CHSY3: variants seen among roughly 807,000 people sequenced by gnomAD.
CHSY3 encodes N-acetylgalactosaminyl-proteoglycan 3-beta-glucuronosyltransferase 3.
CHSY3 carries 35 observed loss-of-function variants against 67.2 expected under a neutral mutation model. That is an observed-to-expected ratio of 0.52 (90% CI 0.40 to 0.69). CHSY3 has a LOEUF of 0.69. Among genes scored for constraint, CHSY3 ranks in the 30% least tolerant of loss-of-function variants. The pLI is 0.00. For missense variants in CHSY3, 1,069 were observed against 1,138.5 expected (o/e 0.94, Z 0.88); for synonymous variants, 474 against 434.7 (o/e 1.09, Z -1.12).
chr5:130,172,965 C>G (rs249602), intron 2 of CHSY3, among the ~76,000 whole-genome samples: 144,568 of 152,288 alleles, frequency 0.95, 68,727 homozygotes, highest in East Asian at 1. Flanking sequence ...ATTTTTAAAA[C>G]TTACTTTAAA....
chr5:129,991,457 C>G (rs1236166911), intron 2 of CHSY3, among the ~76,000 whole-genome samples: 1 of 152,052 alleles, frequency 6.6e-6, no homozygotes, highest in East Asian at 1.9e-4. Flanking sequence ...GAAATTTCAT[C>G]AACACATTAT....
At chr5:130,153,001 C>T (rs146815913) in intron 2 of CHSY3, among the ~76,000 whole-genome samples, 25 of 152,170 alleles carry the variant, frequency 1.6e-4, no homozygotes, top group Non-Finnish European at 2.5e-4. Context: ...GAGGCTGAGG[C>T]GGGCAGATCA....
At chr5:130,124,801 T>C (rs1415961496) in intron 2 of CHSY3, among the ~76,000 whole-genome samples, 2 of 152,120 alleles carry the variant, frequency 1.3e-5, no homozygotes, top group Non-Finnish European at 2.9e-5. Context: ...TGTATTCCTA[T>C]GTAAAATTGC....
chr5:130,165,911 AG>A (rs946870317), intron 2 of CHSY3, among the ~76,000 whole-genome samples: 2 of 152,126 alleles, frequency 1.3e-5, no homozygotes, highest in Non-Finnish European at 2.9e-5. Flanking sequence ...CAATATATAA[AG>A]AATTGGAGAT....
intron 2 of CHSY3, among the ~76,000 whole-genome samples, chr5:130,168,852 T>A (rs2149731652): frequency 6.6e-6 from 1 of 152,204 alleles, no homozygotes; most frequent in African/African-American, 2.4e-5. Context: ...TGTCTATGAA[T>A]GTGTATAGTT....
At chr5:129,943,134 C>G (rs1451959378) in intron 2 of CHSY3, among the ~76,000 whole-genome samples, 5 of 151,964 alleles carry the variant, frequency 3.3e-5, no homozygotes, top group Admixed American at 6.6e-5. Flanking sequence ...TTTTTTCTTT[C>G]ATTTGAACTA....
chr5:129,977,976 A>G (rs1019233407), intron 2 of CHSY3, among the ~76,000 whole-genome samples: 2 of 152,102 alleles, frequency 1.3e-5, no homozygotes, highest in Non-Finnish European at 2.9e-5. Flanking sequence ...AAAGAAATCA[A>G]TCTGAAACTT....
rs78600607 is a variant in CHSY3 at position 130,001,937 on chromosome 5, T to A, written c.1086+93577T>A. 2,453 of 840,838 alleles carry A rather than the reference T, an allele frequency of 2.9e-3. 36 individuals are homozygous for A. In the African/African-American group the frequency reaches 0.039, roughly 13 times the overall value. The allele number at this position is 840,838 out of a possible 1,614,324, so 52.1% of individuals were successfully genotyped here. On this transcript the variant is annotated intron_variant, in intron 2 of 2. Coordinates refer to ENST00000305031, the MANE Select transcript of CHSY3 (RefSeq NM_175856.5). Reference sequence around the variant, plus strand: ...AAAATTCTGGCTAGTTCCTTTAAGATGTTAATTAATATGTCAGCCAATCCT... The same window carrying A: ...AAAATTCTGGCTAGTTCCTTTAAGAAGTTAATTAATATGTCAGCCAATCCT...
At position 130,066,342 on chromosome 5, in the gene CHSY3, C is replaced by T. The variant is rs1765885561; in HGVS notation, c.1087-117887C>T. On this transcript the variant is annotated intron_variant, in intron 2 of 2. Transcript: ENST00000305031. The stretch of plus-strand genomic sequence containing the variant: ...CCGCATGATGAATCCAGAGAGGCCA[C>T]TGAGAAAACCTCCCTCCTTTTGAAT... 2.0e-5 allele frequency among the ~76,000 whole-genome samples: 3 copies of T among 152,186 alleles called. No homozygotes were observed. In the South Asian group the frequency reaches 6.2e-4, roughly 32 times the overall value.
intron 2 of CHSY3, among the ~76,000 whole-genome samples, chr5:130,011,663 G>A (rs759074362): frequency 6.6e-6 from 1 of 152,146 alleles, no homozygotes; most frequent in Non-Finnish European, 1.5e-5. Flanking sequence ...CATCCAAATA[G>A]GAAGATAGGA....
chr5:129,910,725 C>T (rs1238164547), intron 2 of CHSY3, among the ~76,000 whole-genome samples: 1 of 151,958 alleles, frequency 6.6e-6, no homozygotes, highest in Non-Finnish European at 1.5e-5. Flanking sequence ...TCCCATACTT[C>T]ACTTTCTAAT....
intron 2 of CHSY3, among the ~76,000 whole-genome samples, chr5:130,148,372 T>C (rs1391851722): frequency 1.3e-5 from 2 of 152,166 alleles, no homozygotes; most frequent in African/African-American, 4.8e-5. Flanking sequence ...GCATGTGTCT[T>C]TATGGTAGAA....
intron 2 of CHSY3, among the ~76,000 whole-genome samples, chr5:129,972,602 A>G (rs1762674516): frequency 6.7e-6 from 1 of 150,316 alleles, no homozygotes. Flanking sequence ...TGATCTCTGC[A>G]GTGTGTGTGT....
intron 2 of CHSY3, among the ~76,000 whole-genome samples, chr5:130,133,587 C>T (rs556367959): frequency 1.5e-4 from 23 of 151,734 alleles, no homozygotes; most frequent in African/African-American, 4.8e-4. Context: ...GCCTGGCCAA[C>T]ATGGTAAAAC....
chr5:129,930,603 T>G (rs1761275735), intron 2 of CHSY3, among the ~76,000 whole-genome samples: 1 of 151,082 alleles, frequency 6.6e-6, no homozygotes, highest in Admixed American at 6.6e-5. Context: ...TATGATGCCC[T>G]GAGGGGAGGA....
At position 130,181,996 on chromosome 5, in the gene CHSY3, G is replaced by GTATA. The variant is rs139517065; in HGVS notation, c.1087-2223_1087-2220dup. Among the ~76,000 whole-genome samples, 572 of 150,170 alleles carry GTATA rather than the reference G, an allele frequency of 3.8e-3. 3 individuals carry two copies. The highest frequency in any genetic ancestry group is 0.01 in the African/African-American group (424 of 41,028). ...TCTATATATATTTAGGTGTATGTAT[G>GTATA]TATATATATATATGTATTTCTATTG... On this transcript the variant is annotated intron_variant, in intron 2 of 2. Transcript: ENST00000305031.
intron 2 of CHSY3, among the ~76,000 whole-genome samples, chr5:130,112,741 C>T (rs1316061552): frequency 1.3e-5 from 2 of 152,016 alleles, no homozygotes; most frequent in Non-Finnish European, 2.9e-5. Context: ...CAAGCTGCTG[C>T]TGAGTTTCCT....
intron 2 of CHSY3, among the ~76,000 whole-genome samples, chr5:130,144,623 A>G (rs1001075803): frequency 1.3e-5 from 2 of 152,178 alleles, no homozygotes; most frequent in African/African-American, 4.8e-5. Context: ...CAAAATACCA[A>G]TGAAGCTCTT....
In CHSY3 at chr5:130,025,312, T is replaced by C. The variant is rs553159003; in HGVS notation, c.1086+116952T>C. On this transcript the variant is annotated intron_variant, in intron 2 of 2. Coordinates refer to ENST00000305031, the MANE Select transcript of CHSY3 (RefSeq NM_175856.5). The stretch of plus-strand genomic sequence containing the variant: ...GCCATATGAAAAATCCAGCAAAGAG[T>C]GTTCTGTGCAAAAGAAGCAACATGC... Among the ~76,000 whole-genome samples, 7 of 152,012 alleles carry C rather than the reference T, an allele frequency of 4.6e-5. No homozygotes were observed. The East Asian group carries it at 9.7e-4, about 21-fold the overall frequency.
Sources: allele counts gnomAD v4.1 joint callset (sites outside exome capture counted in the v4.1 genomes callset), GRCh38; gene constraint gnomAD v4.1.1; transcripts MANE v1.5; gene names NCBI Gene and HGNC (gene_info 2026-07-23, HGNC 2026-07-21).